Variants in VAPA observed in about 807,000 individuals in gnomAD.
VAPA encodes vesicle-associated membrane protein-associated protein A.
VAPA carries 6 observed loss-of-function variants against 25.6 expected under a neutral mutation model. The observed-to-expected ratio is 0.23, with a 90% CI of 0.13 to 0.46. The LOEUF (loss-of-function observed/expected upper bound fraction) is 0.46. Ranked by LOEUF, VAPA falls within the 20% of genes least tolerant of loss-of-function variation. The probability of loss-of-function intolerance (pLI) is 0.99; values close to 1 mark genes in which losing one functional copy is unlikely to be tolerated. For missense variants in VAPA, 244 were observed against 302.1 expected, an observed-to-expected ratio of 0.81 and a Z score of 1.43; for synonymous variants, 112 against 106.2, an observed-to-expected ratio of 1.05 and a Z score of -0.34.
rs149004397 is a variant in VAPA, at chr18:9,922,167, G to T, written c.79+7832G>T. Among the ~76,000 whole-genome samples, 237 of 152,060 alleles carry T rather than the reference G, an allele frequency of 1.6e-3. 1 individual carries two copies. The highest frequency in any genetic ancestry group is 0.01 in the Middle Eastern group (3 of 294). ...TTTTATTTTTTGTAGAGACAGTCTTGCTATTTTGCCCAGCCAGATCTTGAA... is the reference window on the plus strand; with the variant it reads ...TTTTATTTTTTGTAGAGACAGTCTTTCTATTTTGCCCAGCCAGATCTTGAA... On this transcript the variant is annotated intron_variant, in intron 1 of 5. Coordinates refer to ENST00000400000, the MANE Select transcript of VAPA (RefSeq NM_194434.3).
chr18:9,949,453 T>C (rs937384613), intron 4 of VAPA: 2 of 152,228 alleles, frequency 1.3e-5, no homozygotes, highest in African/African-American at 4.8e-5. Flanking sequence ...TAATATAAAA[T>C]TGGCAGCTGG....
chr18:9,924,773 C>G (rs1239873631), intron 1 of VAPA: 2 of 152,004 alleles, frequency 1.3e-5, no homozygotes, highest in African/African-American at 4.8e-5. Flanking sequence ...CCTACAAATT[C>G]TAAAATGAAG....
chr18:9,943,871 T>A lies in VAPA; in HGVS notation c.418-6524T>A, dbSNP rs1472016461. Among the ~76,000 whole-genome samples, 9 of 90,790 alleles carry A rather than the reference T, an allele frequency of 9.9e-5. 1 individual carries two copies. The highest frequency in any genetic ancestry group is 4.4e-4 in the African/African-American group (9 of 20,448). 59.6% of individuals were successfully genotyped at this position (90,790 alleles called of 152,430 possible). A position where few individuals can be genotyped will look rare whatever the true frequency, so the allele number is the denominator to read the frequency against. On this transcript the variant is annotated intron_variant, in intron 4 of 5. Coordinates refer to ENST00000400000, the MANE Select transcript of VAPA (RefSeq NM_194434.3). ...TTTTTTTTTTTTTTTTTTTTTTTTT[T>A]TTTTTTTGAGACAGTGTCTCGCTCT...
chr18:9,953,064 G>A (rs1256487979), intron 5 of VAPA, among the ~76,000 whole-genome samples: 2 of 152,224 alleles, frequency 1.3e-5, no homozygotes, highest in Non-Finnish European at 2.9e-5. Flanking sequence ...AACAGACAGA[G>A]ATAAAGACAA....
intron 1 of VAPA, among the ~76,000 whole-genome samples, chr18:9,920,706 T>C (rs920263943): frequency 2.6e-5 from 4 of 152,264 alleles, no homozygotes; most frequent in Admixed American, 2.6e-4. Flanking sequence ...TCTAAATGTT[T>C]TCTTACTATG....
chr18:9,940,239 CA>C (rs1416806709), intron 4 of VAPA, among the ~76,000 whole-genome samples: 1 of 152,006 alleles, frequency 6.6e-6, no homozygotes, highest in Non-Finnish European at 1.5e-5. Context: ...TGTTGATGCT[CA>C]AATTGCCTGG....
intron 1 of VAPA, among the ~76,000 whole-genome samples, chr18:9,920,262 A>G (rs577173586): frequency 9.9e-5 from 15 of 152,282 alleles, no homozygotes; most frequent in African/African-American, 3.4e-4. Flanking sequence ...AGGTCCTTTT[A>G]TATTTACTAG....
intron 4 of VAPA, among the ~76,000 whole-genome samples, chr18:9,941,949 T>C (rs532145072): frequency 6.6e-6 from 1 of 152,342 alleles, no homozygotes; most frequent in East Asian, 1.9e-4. Flanking sequence ...CTTATAGTTA[T>C]GATTGTGATA....
At chr18:9,922,249 CA>C (rs2069163255) in intron 1 of VAPA, among the ~76,000 whole-genome samples, 1 of 152,166 alleles carries the variant, frequency 6.6e-6, no homozygotes. Flanking sequence ...GAATTACAGG[CA>C]TGAGCTACCA....
intron 4 of VAPA, among the ~76,000 whole-genome samples, chr18:9,939,508 C>T (rs555963815): frequency 1.1e-3 from 153 of 137,552 alleles, no homozygotes; most frequent in African/African-American, 4.1e-3. Flanking sequence ...TAGTTTGTTA[C>T]GTTTCCTCTC....
chr18:9,939,524 T>G (rs1022064440), intron 4 of VAPA, among the ~76,000 whole-genome samples: 1 of 151,834 alleles, frequency 6.6e-6, no homozygotes, highest in African/African-American at 2.4e-5. Context: ...CTCTCTTTTT[T>G]TTTTTTTTTT....
chr18:9,943,925 A>G (rs1229987124), intron 4 of VAPA, among the ~76,000 whole-genome samples: 1 of 120,764 alleles, frequency 8.3e-6, no homozygotes, highest in East Asian at 2.8e-4. Flanking sequence ...CAGTGGCGCG[A>G]TCTCGGCTCA....
chr18:9,922,273 C>T (rs143836727), intron 1 of VAPA, among the ~76,000 whole-genome samples: 4 of 152,204 alleles, frequency 2.6e-5, no homozygotes, highest in East Asian at 3.9e-4. Flanking sequence ...CCTGGCCTGC[C>T]TCAGTATTTT....
chr18:9,932,890 C>T (rs2069270412), intron 2 of VAPA, among the ~76,000 whole-genome samples: 1 of 151,940 alleles, frequency 6.6e-6, no homozygotes, highest in South Asian at 2.1e-4. Flanking sequence ...GGGTGGATCA[C>T]GACGTCAGGA....
At chr18:9,917,807 C>CT (rs1555614847) in intron 1 of VAPA, among the ~76,000 whole-genome samples, 1 of 145,148 alleles carries the variant, frequency 6.9e-6, no homozygotes, top group Non-Finnish European at 1.5e-5. Context: ...CAGCACGGGG[C>CT]GGGGGGGAAA....
chr18:9,954,013 T>TTGTTTTTAAAA, intron 5 of VAPA, 40 bp from the exon 6 acceptor site: 1 of 1,610,200 alleles, frequency 6.2e-7, no homozygotes, highest in Non-Finnish European at 8.5e-7. Flanking sequence ...GTTAGTATGC[T>TTGTTTTTAAAA]TGTTTTTAAA....
intron 5 of VAPA, 157 bp downstream of exon 5, chr18:9,950,725 A>T: frequency 1.5e-6 from 1 of 670,588 alleles, no homozygotes; most frequent in Non-Finnish European, 2.4e-6. Context: ...TCCTCTTTTA[A>T]CAGTCTTCCC....
At chr18:9,915,011 A>G (rs1308366819) in intron 1 of VAPA, 2 of 152,358 alleles carry the variant, frequency 1.3e-5, no homozygotes, top group Non-Finnish European at 2.9e-5. Flanking sequence ...GGGGAGGTGG[A>G]GAGTCCTTGG....
chr18:9,940,278 AGTTT>A (rs1345444145), intron 4 of VAPA, among the ~76,000 whole-genome samples: 9 of 151,762 alleles, frequency 5.9e-5, no homozygotes, highest in African/African-American at 2.2e-4. Context: ...TTGGTTCTTG[AGTTT>A]GTTTGACCCT....
Sources: allele counts gnomAD v4.1 joint callset (sites outside exome capture counted in the v4.1 genomes callset), GRCh38; gene constraint gnomAD v4.1.1; transcripts MANE v1.5; gene names NCBI Gene and HGNC (gene_info 2026-07-23, HGNC 2026-07-21).